CAMK1D: variants seen among roughly 807,000 people sequenced by gnomAD.
CAMK1D encodes the protein calcium/calmodulin dependent protein kinase ID, also known as calcium/calmodulin-dependent protein kinase type 1D.
Under a neutral mutation model 47.7 loss-of-function variants are expected in CAMK1D, and 9 were observed. That is an observed-to-expected ratio of 0.19 (90% confidence interval 0.11 to 0.33). The LOEUF is 0.33. Among genes scored for constraint, CAMK1D ranks in the 10% least tolerant of loss-of-function variants. CAMK1D has a pLI of 1.00. For missense variants in CAMK1D, 291 were observed against 488.7 expected, an observed-to-expected ratio of 0.60 and a Z score of 3.81; for synonymous variants, 184 against 184.9, an observed-to-expected ratio of 0.99 and a Z score of 0.04.
At chr10:12,386,436 TCTGTCTCAAAAAAAACAAAACCAAAAACC>T (rs1838497183) in intron 1 of CAMK1D, among the ~76,000 whole-genome samples, 1 of 148,554 alleles carries the variant, frequency 6.7e-6, no homozygotes, top group African/African-American at 2.5e-5. Context: ...ACTGACAAAC[TCTGTCTCAAAAAAAACAAAACCAAAAACC>T]CTGTCTCAAA....
At chr10:12,451,944 G>A (rs1467851932) in intron 1 of CAMK1D, among the ~76,000 whole-genome samples, 2 of 152,182 alleles carry the variant, frequency 1.3e-5, no homozygotes, top group African/African-American at 4.8e-5. Flanking sequence ...GAGACATTGG[G>A]GATCTGAAGC....
chr10:12,731,420 A>G (rs146720558), intron 3 of CAMK1D, among the ~76,000 whole-genome samples: 198 of 152,328 alleles, frequency 1.3e-3, no homozygotes, highest in African/African-American at 4.7e-3. Flanking sequence ...AAGTTGTGAA[A>G]TAGTTGTTGG....
At chr10:12,807,814 CT>C (rs1223901479) in intron 6 of CAMK1D, among the ~76,000 whole-genome samples, 5 of 152,216 alleles carry the variant, frequency 3.3e-5, no homozygotes, top group South Asian at 2.1e-4. Context: ...GCAGGCCCCC[CT>C]GTCTCCTCTG....
At chr10:12,600,191 G>GAA (rs1288380748) in intron 2 of CAMK1D, among the ~76,000 whole-genome samples, 1 of 152,042 alleles carries the variant, frequency 6.6e-6, no homozygotes, top group East Asian at 1.9e-4. Flanking sequence ...TTAGAAGAAA[G>GAA]AAAAAAACAG....
In CAMK1D at chr10:12,469,769, C is replaced by A. The variant is rs1833694600; in HGVS notation, c.93-83456C>A. 3.3e-5 allele frequency among the ~76,000 whole-genome samples: 5 copies of A among 152,190 alleles called. No individual in the cohort carries two copies. The South Asian group carries it at 1.0e-3, about 32-fold the overall frequency. ...TTGGAGAACACTTTAGTGGAAATGA[C>A]CCTTTCAAAGGATTTGGTAAATGCA... On this transcript the variant is annotated intron_variant, in intron 1 of 10. Coordinates refer to ENST00000619168, the MANE Select transcript of CAMK1D (RefSeq NM_153498.4).
rs1271902909 is a variant in CAMK1D at position 12,673,015 on chromosome 10, G to A, written c.299+6205G>A. On this transcript the variant is annotated intron_variant, in intron 3 of 10. Transcript: ENST00000619168. ...GGGTTCAAGCAATTCTTGTGCCTCA[G>A]CCTCCTGAGTAGCTGGGATTACAGG... is the stretch of plus-strand genomic sequence containing the variant. Among the ~76,000 whole-genome samples, 4 of 149,498 alleles carry A rather than the reference G, an allele frequency of 2.7e-5. No individual in the cohort carries two copies. The East Asian group carries it at 8.0e-4, about 30-fold the overall frequency.
intron 5 of CAMK1D, among the ~76,000 whole-genome samples, chr10:12,774,526 C>G (rs1027689478): frequency 6.6e-6 from 1 of 152,182 alleles, no homozygotes; most frequent in African/African-American, 2.4e-5. Flanking sequence ...GTCGTATAGA[C>G]TTTAGCTTCT....
At chr10:12,823,434 GGGA>G (rs1564590037) in intron 8 of CAMK1D, among the ~76,000 whole-genome samples, 1 of 152,132 alleles carries the variant, frequency 6.6e-6, no homozygotes, top group Non-Finnish European at 1.5e-5. Flanking sequence ...GAGGCCCAGG[GGGA>G]AAAGGCCAAG....
At chr10:12,557,838 T>C (rs1160618249) in intron 2 of CAMK1D, among the ~76,000 whole-genome samples, 1 of 152,226 alleles carries the variant, frequency 6.6e-6, no homozygotes, top group Non-Finnish European at 1.5e-5. Flanking sequence ...AAAGACTGCC[T>C]GCCCCCCTTT....
chr10:12,598,045 C>T (rs566586267), intron 2 of CAMK1D, among the ~76,000 whole-genome samples: 4 of 152,332 alleles, frequency 2.6e-5, no homozygotes, highest in South Asian at 4.1e-4. Context: ...GTGAAACACA[C>T]GCATTTGTAA....
At chr10:12,825,806 T>TA in intron 10 of CAMK1D, 116 bp downstream of exon 10, 1 of 1,544,350 alleles carries the variant, frequency 6.5e-7, no homozygotes, top group Non-Finnish European at 8.7e-7. Context: ...TTTCTATACT[T>TA]AATCCCATGT....
intron 1 of CAMK1D, among the ~76,000 whole-genome samples, chr10:12,510,730 C>T (rs542308246): frequency 3.3e-5 from 5 of 152,280 alleles, no homozygotes; most frequent in East Asian, 1.9e-4. Context: ...ATCACAGGAG[C>T]GGCTTCTGCA....
At chr10:12,522,299 C>T (rs1160648038) in intron 1 of CAMK1D, among the ~76,000 whole-genome samples, 1 of 136,936 alleles carries the variant, frequency 7.3e-6, no homozygotes, top group Non-Finnish European at 1.6e-5. Flanking sequence ...AGCAGACAAA[C>T]AAGTGAACAA....
intron 1 of CAMK1D, among the ~76,000 whole-genome samples, chr10:12,544,427 T>A (rs547167284): frequency 1.4e-4 from 22 of 152,364 alleles, no homozygotes; most frequent in African/African-American, 5.0e-4. Flanking sequence ...ATTTTACTTA[T>A]TCAACAAGGA....
intron 1 of CAMK1D, among the ~76,000 whole-genome samples, chr10:12,526,035 G>A (rs1163929775): frequency 1.3e-5 from 2 of 152,230 alleles, no homozygotes; most frequent in Non-Finnish European, 2.9e-5. Flanking sequence ...TGGGATTACA[G>A]GTGTGAGCCG....
intron 1 of CAMK1D, among the ~76,000 whole-genome samples, chr10:12,547,961 G>A (rs1206458045): frequency 6.6e-6 from 1 of 152,184 alleles, no homozygotes; most frequent in Non-Finnish European, 1.5e-5. Context: ...TCGGAGCGAT[G>A]GCAGCTCATC....
In CAMK1D at chr10:12,440,313, C is replaced by G. The variant is rs564200985; in HGVS notation, c.92+90403C>G. Among the ~76,000 whole-genome samples, 62 of 146,722 alleles carry G rather than the reference C, an allele frequency of 4.2e-4. 1 individual carries two copies. Among genetic ancestry groups the G allele is most frequent in the African/African-American group, 1.4e-3 (56 of 39,750 alleles). On this transcript the variant is annotated intron_variant, in intron 1 of 10. Coordinates refer to ENST00000619168, the MANE Select transcript of CAMK1D (RefSeq NM_153498.4). ...TTTTTTTTTTTTTTTGAGACGGAGT[C>G]TCCTTCTGTCACCCAGGCTGGAATG...
chr10:12,580,412 G>C (rs1028566458), intron 2 of CAMK1D, among the ~76,000 whole-genome samples: 2 of 149,252 alleles, frequency 1.3e-5, no homozygotes, highest in Non-Finnish European at 3.0e-5. Context: ...CTTGTCTCCC[G>C]GGTGACAGTA....
At chr10:12,657,327 A>T (rs536061369) in intron 2 of CAMK1D, among the ~76,000 whole-genome samples, 6 of 152,236 alleles carry the variant, frequency 3.9e-5, no homozygotes, top group African/African-American at 1.2e-4. Flanking sequence ...CGGGAGGCTG[A>T]GGCAGGAGAA....
Sources: gnomAD v4.1 joint callset for allele counts (sites outside exome capture counted in the v4.1 genomes callset) on GRCh38, gnomAD v4.1.1 for gene constraint, MANE v1.5 for transcripts, NCBI Gene and HGNC (gene_info 2026-07-23, HGNC 2026-07-21) for gene names.